The following MAGI2 variants were observed in gnomAD, a reference collection of about 807,000 sequenced individuals.
MAGI2 encodes membrane-associated guanylate kinase, WW and PDZ domain-containing protein 2.
MAGI2 carries 35 observed loss-of-function variants against 133.3 expected under a neutral mutation model. That is an observed-to-expected ratio of 0.26 (90% confidence interval 0.20 to 0.35). The LOEUF is 0.35. MAGI2 is among the 10% of genes least tolerant of loss of function. The pLI, the probability that MAGI2 is intolerant of heterozygous loss-of-function variation, is 1.00. For synonymous variants in MAGI2, 729 were observed against 710.6 expected (o/e 1.03, Z -0.41); for missense variants, 1,636 against 1,863.4 (o/e 0.88, Z 2.25).
intron 1 of MAGI2, among the ~76,000 whole-genome samples, chr7:79,209,058 T>C (rs936182966): frequency 2.0e-5 from 3 of 151,898 alleles, no homozygotes; most frequent in Non-Finnish European, 4.4e-5. Flanking sequence ...AGATGGTCCA[T>C]AGATACAAAA....
At chr7:78,853,800 T>C (rs548681204) in intron 2 of MAGI2, among the ~76,000 whole-genome samples, 1 of 152,152 alleles carries the variant, frequency 6.6e-6, no homozygotes, top group African/African-American at 2.4e-5. Flanking sequence ...TTCACCCCTC[T>C]CTTGGTGGTG....
intron 2 of MAGI2, among the ~76,000 whole-genome samples, chr7:78,832,251 T>A (rs1461751583): frequency 1.3e-5 from 2 of 152,172 alleles, no homozygotes; most frequent in Non-Finnish European, 2.9e-5. Context: ...ATATTTCTGT[T>A]TTTTGACTAC....
intron 4 of MAGI2, among the ~76,000 whole-genome samples, chr7:78,511,157 A>G (rs962430284): frequency 2.0e-5 from 3 of 152,244 alleles, no homozygotes; most frequent in African/African-American, 7.2e-5. Context: ...TCTTGTAAAT[A>G]AATCAACACT....
chr7:78,586,031 G>A (rs1803364389), intron 3 of MAGI2, among the ~76,000 whole-genome samples: 1 of 152,042 alleles, frequency 6.6e-6, no homozygotes, highest in Non-Finnish European at 1.5e-5. Flanking sequence ...CTCATATACT[G>A]GCTGTATTAC....
rs183814348 is a variant in MAGI2, at chr7:78,595,107, C to T, written c.538+32013G>A. Among the ~76,000 whole-genome samples the T allele has an allele frequency of 3.5e-3, 528 of 152,108 alleles. 4 individuals are homozygous for T. The highest frequency in any genetic ancestry group is 0.012 in the African/African-American group (499 of 41,388). ...ACTCCCTCCTTTCCAAGTTCATCTG[C>T]ATCTAGTTACTGGGCCACAGGAATA... On this transcript the variant is annotated intron_variant, in intron 3 of 21. Coordinates refer to ENST00000354212, the MANE Select transcript of MAGI2 (RefSeq NM_012301.4).
intron 20 of MAGI2, among the ~76,000 whole-genome samples, chr7:78,096,241 G>C (rs1817681563): frequency 6.6e-6 from 1 of 152,170 alleles, no homozygotes; most frequent in Non-Finnish European, 1.5e-5. Context: ...GTGGAATCAG[G>C]AGTCCTTGGT....
intron 19 of MAGI2, 73 bp from the exon 20 acceptor site, chr7:78,125,910 G>A (rs924766153): frequency 3.5e-6 from 5 of 1,427,892 alleles, no homozygotes; most frequent in Middle Eastern, 3.6e-4. Flanking sequence ...TAGTCTCTGT[G>A]TTCTCCTTCT....
intron 9 of MAGI2, among the ~76,000 whole-genome samples, chr7:78,321,106 A>T (rs1189642584): frequency 6.6e-6 from 1 of 152,208 alleles, no homozygotes; most frequent in Admixed American, 6.5e-5. Flanking sequence ...ACCACTGCTC[A>T]AGGAAATCAG....
intron 1 of MAGI2, among the ~76,000 whole-genome samples, chr7:79,040,182 G>A (rs1811524859): frequency 1.3e-5 from 2 of 151,584 alleles, no homozygotes; most frequent in Non-Finnish European, 2.9e-5. Context: ...AGTATCTGAT[G>A]GTTTCATAAG....
intron 2 of MAGI2, among the ~76,000 whole-genome samples, chr7:78,844,277 A>G (rs1474591909): frequency 6.6e-6 from 1 of 151,720 alleles, no homozygotes; most frequent in African/African-American, 2.4e-5. Context: ...TTAGTGTACG[A>G]GAATCATCCA....
chr7:78,858,166 T>C (rs1793824696), intron 2 of MAGI2, among the ~76,000 whole-genome samples: 1 of 152,102 alleles, frequency 6.6e-6, no homozygotes, highest in Admixed American at 6.6e-5. Context: ...GTCTTGCTAG[T>C]GGTCTATCAA....
chr7:78,599,223 C>T (rs1423095933), intron 3 of MAGI2, among the ~76,000 whole-genome samples: 1 of 152,204 alleles, frequency 6.6e-6, no homozygotes, highest in South Asian at 2.1e-4. Flanking sequence ...TTATTTCCTA[C>T]CTTTTCATTA....
intron 1 of MAGI2, among the ~76,000 whole-genome samples, chr7:79,272,654 G>T (rs1834958104): frequency 6.6e-6 from 1 of 151,936 alleles, no homozygotes; most frequent in South Asian, 2.1e-4. Flanking sequence ...TGATTTCTGA[G>T]AAATAATTTC....
chr7:79,227,497 A>G (rs970349987), intron 1 of MAGI2, among the ~76,000 whole-genome samples: 6 of 152,340 alleles, frequency 3.9e-5, no homozygotes, highest in African/African-American at 1.4e-4. Flanking sequence ...AGTATTCAAA[A>G]TTGTTATAAT....
chr7:78,784,145 G>A (rs775503668), intron 2 of MAGI2, among the ~76,000 whole-genome samples: 14 of 151,360 alleles, frequency 9.2e-5, no homozygotes, highest in Non-Finnish European at 1.8e-4. Context: ...CAGTATTTCA[G>A]ATAAAACTGA....
chr7:78,215,072 C>T (rs549400269), intron 10 of MAGI2, among the ~76,000 whole-genome samples: 2 of 152,252 alleles, frequency 1.3e-5, no homozygotes, highest in East Asian at 1.9e-4. Context: ...TCACGGATGT[C>T]ATTTTAGTTT....
chr7:78,540,410 G>A (rs987966185), intron 3 of MAGI2, among the ~76,000 whole-genome samples: 1 of 152,090 alleles, frequency 6.6e-6, no homozygotes, highest in African/African-American at 2.4e-5. Flanking sequence ...AGCCAGGCAG[G>A]CCAGTCTCAC....
intron 1 of MAGI2, among the ~76,000 whole-genome samples, chr7:79,332,264 T>C (rs1360233230): frequency 2.0e-5 from 3 of 152,214 alleles, no homozygotes; most frequent in Non-Finnish European, 4.4e-5. Flanking sequence ...GTTAATGTGG[T>C]CTTCCTGAAA....
chr7:78,213,241 A>C (rs1787944634), intron 10 of MAGI2, among the ~76,000 whole-genome samples: 1 of 152,158 alleles, frequency 6.6e-6, no homozygotes, highest in Non-Finnish European at 1.5e-5. Context: ...CATCAGCCTC[A>C]CCTGGGAGTT....
Sources: allele counts gnomAD v4.1 joint callset (sites outside exome capture counted in the v4.1 genomes callset), GRCh38; gene constraint gnomAD v4.1.1; transcripts MANE v1.5; gene names NCBI Gene and HGNC (gene_info 2026-07-23, HGNC 2026-07-21).